BBX: variants seen among roughly 807,000 people sequenced by gnomAD.
BBX encodes HMG box transcription factor BBX.
A neutral mutation model predicts 100.2 loss-of-function variants in BBX; 30 were observed. That is an observed-to-expected ratio of 0.30 (90% CI 0.22 to 0.41). The LOEUF (loss-of-function observed/expected upper bound fraction) is 0.41. Among genes scored for constraint, BBX ranks in the 10% least tolerant of loss-of-function variants. The probability of loss-of-function intolerance (pLI) is 1.00; values close to 1 mark genes in which losing one functional copy is unlikely to be tolerated. For missense variants in BBX, 1,023 were observed against 1,129.8 expected (o/e 0.91, Z 1.35); for synonymous variants, 376 against 388.1 (o/e 0.97, Z 0.37).
intron 3 of BBX, among the ~76,000 whole-genome samples, chr3:107,660,338 T>C (rs970453916): frequency 6.6e-6 from 1 of 151,994 alleles, no homozygotes; most frequent in Non-Finnish European, 1.5e-5. Flanking sequence ...TTGCAATACT[T>C]GGGTGGCCTG....
intron 5 of BBX, among the ~76,000 whole-genome samples, chr3:107,720,117 G>A (rs750216497): frequency 2.0e-5 from 3 of 152,024 alleles, no homozygotes; most frequent in Non-Finnish European, 2.9e-5. Flanking sequence ...TGTAAAGTGA[G>A]TTATGATTAT....
intron 2 of BBX, among the ~76,000 whole-genome samples, chr3:107,625,324 C>G (rs2056086100): frequency 6.6e-6 from 1 of 152,134 alleles, no homozygotes; most frequent in Non-Finnish European, 1.5e-5. Flanking sequence ...GTCTCCCAGT[C>G]TGGAGTGCAG....
At chr3:107,645,800 C>T (rs1189971802) in intron 2 of BBX, 36 bp from the exon 3 acceptor site, 1 of 152,570 alleles carries the variant, frequency 6.6e-6, no homozygotes, top group African/African-American at 2.4e-5. Context: ...CTTCCTGGCT[C>T]ACCATTTTAA....
At chr3:107,795,223 C>T (rs1015558603) in intron 15 of BBX, among the ~76,000 whole-genome samples, 9 of 152,178 alleles carry the variant, frequency 5.9e-5, no homozygotes, top group African/African-American at 2.2e-4. Context: ...TGTCCCTCAC[C>T]ACCAAGCTTT....
chr3:107,551,386 C>G (rs2049665054), intron 2 of BBX, among the ~76,000 whole-genome samples: 1 of 152,198 alleles, frequency 6.6e-6, no homozygotes, highest in South Asian at 2.1e-4. Flanking sequence ...AAGCATTTCA[C>G]CCATCTTTTT....
intron 11 of BBX, among the ~76,000 whole-genome samples, chr3:107,774,245 AT>A (rs1315332078): frequency 6.6e-6 from 1 of 152,178 alleles, no homozygotes; most frequent in Non-Finnish European, 1.5e-5. Context: ...CTATTTTAAA[AT>A]ATAGCATCTG....
rs1410865680 is a variant in BBX, at chr3:107,808,350, AAAT to A, written c.*2894_*2896del. On this transcript the variant is annotated 3_prime_UTR_variant, in exon 18 of 18. Transcript: ENST00000325805. ...TCTGAAACCATTCTGAATTTAGTTG[AAAT>A]TATCAATATTTATGCTTTTAACCTT... 1 of 152,178 alleles carries A rather than the reference AAAT, an allele frequency of 6.6e-6. No homozygotes were observed. The highest frequency in any genetic ancestry group is 1.5e-5 in the Non-Finnish European group (1 of 68,032). The allele number at this position is 152,178 out of a possible 1,614,324, so 9.4% of individuals were successfully genotyped here.
At chr3:107,714,664 A>T (rs2061976668) in intron 4 of BBX, among the ~76,000 whole-genome samples, 1 of 152,194 alleles carries the variant, frequency 6.6e-6, no homozygotes, top group Non-Finnish European at 1.5e-5. Flanking sequence ...TGTAGGCTTC[A>T]CCCCAATAAT....
At chr3:107,758,802 T>C (rs1430933824) in intron 10 of BBX, among the ~76,000 whole-genome samples, 2 of 152,124 alleles carry the variant, frequency 1.3e-5, no homozygotes, top group African/African-American at 2.4e-5. Context: ...AAACATAACC[T>C]TGGGCAGTTA....
chr3:107,675,347 C>T (rs948879202), intron 3 of BBX, among the ~76,000 whole-genome samples: 2 of 152,098 alleles, frequency 1.3e-5, no homozygotes, highest in African/African-American at 2.4e-5. Context: ...CGGAGGAAAT[C>T]GTGCTCCCTC....
chr3:107,681,533 T>C (rs1418838216), intron 3 of BBX, among the ~76,000 whole-genome samples: 1 of 152,014 alleles, frequency 6.6e-6, no homozygotes, highest in Non-Finnish European at 1.5e-5. Flanking sequence ...AGAGCCTAGA[T>C]ATATGTTAAC....
intron 3 of BBX, among the ~76,000 whole-genome samples, chr3:107,672,344 A>G (rs919291596): frequency 7.2e-5 from 11 of 152,058 alleles, no homozygotes; most frequent in Non-Finnish European, 1.3e-4. Flanking sequence ...TGGCTATTTT[A>G]TAACCCTGTG....
intron 2 of BBX, among the ~76,000 whole-genome samples, chr3:107,558,724 A>G (rs1413765000): frequency 6.6e-6 from 1 of 152,136 alleles, no homozygotes; most frequent in Non-Finnish European, 1.5e-5. Context: ...AGTTACAGGA[A>G]GTTATTTAAC....
intron 3 of BBX, among the ~76,000 whole-genome samples, chr3:107,668,616 G>T: frequency 6.6e-6 from 1 of 152,196 alleles, no homozygotes; most frequent in East Asian, 1.9e-4. Flanking sequence ...AGAGCTCTGT[G>T]CCAAGGCAGG....
chr3:107,608,899 C>T (rs1484954860), intron 2 of BBX, among the ~76,000 whole-genome samples: 1 of 152,176 alleles, frequency 6.6e-6, no homozygotes, highest in Admixed American at 6.5e-5. Context: ...TTTTAGTACA[C>T]TGATCTTGTA....
At chr3:107,625,387 CT>C (rs1270369497) in intron 2 of BBX, among the ~76,000 whole-genome samples, 2 of 152,194 alleles carry the variant, frequency 1.3e-5, no homozygotes, top group Non-Finnish European at 2.9e-5. Context: ...TAGCGATTCT[CT>C]TGCCTCAGCC....
At chr3:107,601,995 C>T (rs750584148) in intron 2 of BBX, among the ~76,000 whole-genome samples, 1 of 152,166 alleles carries the variant, frequency 6.6e-6, no homozygotes, top group Non-Finnish European at 1.5e-5. Context: ...AATATCAGGA[C>T]TCTTAAGGAT....
chr3:107,541,630 T>A (rs2048870701), intron 2 of BBX, among the ~76,000 whole-genome samples: 1 of 152,144 alleles, frequency 6.6e-6, no homozygotes. Flanking sequence ...GATTTGTAAG[T>A]GAGATTTGGA....
intron 2 of BBX, among the ~76,000 whole-genome samples, chr3:107,607,049 T>C (rs958882342): frequency 1.3e-5 from 2 of 152,200 alleles, no homozygotes; most frequent in African/African-American, 4.8e-5. Context: ...GCCTGGCTTA[T>C]TAACTTAATG....
Sources: gnomAD v4.1 joint callset for allele counts (sites outside exome capture counted in the v4.1 genomes callset) on GRCh38, gnomAD v4.1.1 for gene constraint, MANE v1.5 for transcripts, NCBI Gene and HGNC (gene_info 2026-07-23, HGNC 2026-07-21) for gene names.